The following COG2 variants were observed in gnomAD, a reference collection of about 807,000 sequenced individuals.
COG2 encodes the protein component of oligomeric golgi complex 2, also known as conserved oligomeric Golgi complex subunit 2.
In COG2, 52 loss-of-function variants were observed where a neutral mutation model predicts 90.6. The observed-to-expected ratio is 0.57, with a 90% CI of 0.46 to 0.72. COG2 has a LOEUF of 0.72. COG2 is among the 30% of genes least tolerant of loss of function. The pLI, the probability that COG2 is intolerant of heterozygous loss-of-function variation, is 0.00. For synonymous variants in COG2, 337 were observed against 320.4 expected, an observed-to-expected ratio of 1.05 and a Z score of -0.55; for missense variants, 829 against 891.2, an observed-to-expected ratio of 0.93 and a Z score of 0.89.
chr1:230,662,994 G>A (rs1461911689), intron 3 of COG2, 147 bp from the exon 4 acceptor site: 4 of 511,458 alleles, frequency 7.8e-6, no homozygotes, highest in Non-Finnish European at 6.7e-6. Flanking sequence ...GACACAAACA[G>A]CAATTGTGTC....
intron 4 of COG2, among the ~76,000 whole-genome samples, chr1:230,663,586 G>A (rs1160097530): frequency 6.6e-6 from 1 of 152,082 alleles, no homozygotes; most frequent in Non-Finnish European, 1.5e-5. Context: ...TCATGAGAAG[G>A]GGATTTTTGC....
intron 1 of COG2, among the ~76,000 whole-genome samples, chr1:230,652,227 C>T (rs1189945764): frequency 6.6e-6 from 1 of 152,190 alleles, no homozygotes; most frequent in African/African-American, 2.4e-5. Context: ...TCCCTAACCC[C>T]AGGCAACTAC....
In COG2 at chr1:230,683,568, T is replaced by C; in HGVS notation, c.1167-6T>C. 6.2e-7 allele frequency: 1 copy of C among 1,604,088 alleles called. No individual in the cohort carries two copies. Among genetic ancestry groups the C allele is most frequent in the Non-Finnish European group, 8.5e-7 (1 of 1,171,254 alleles). On this transcript the variant is annotated splice_polypyrimidine_tract_variant and splice_region_variant and intron_variant, in intron 10 of 17. Coordinates refer to ENST00000366669, the MANE Select transcript of COG2 (RefSeq NM_007357.3). ...ACATTAATTCTTCTTCTTGTTTTTA[T>C]CTCAGATTTAGAGAAATAGCGGGAT...
intron 6 of COG2, 47 bp from the exon 7 acceptor site, chr1:230,669,309 C>G: frequency 6.5e-7 from 1 of 1,544,440 alleles, no homozygotes; most frequent in Non-Finnish European, 8.8e-7. Context: ...GTTTCAGAAA[C>G]TGTTACAACT....
In COG2 at chr1:230,687,089, A is replaced by G. The variant is rs1662902614; in HGVS notation, c.1535A>G (p.Gln512Arg). 1 of 1,613,372 alleles carries G rather than the reference A, an allele frequency of 6.2e-7. No homozygotes were observed. Among genetic ancestry groups the G allele is most frequent in the Non-Finnish European group, 8.5e-7 (1 of 1,179,584 alleles). ...TKPVVSISRT[Q>R]LVYVVADLDK... ...CCTGTGGTTTCCATTTCCCGCACTC[A>G]GCTCGTGTATGTGGTTGCAGACCTG... The change falls in exon 13 of 18, where the codon CAG becomes CGG. Residue 512 changes from glutamine to arginine, a missense_variant. By Grantham distance (43) the Gln-to-Arg change is conservative. Transcript: ENST00000366669.
chr1:230,655,760 C>T (rs1041581000), intron 1 of COG2, among the ~76,000 whole-genome samples: 4 of 152,132 alleles, frequency 2.6e-5, no homozygotes, highest in Non-Finnish European at 1.5e-5. Context: ...CTATTAATTG[C>T]TGCCTCAATT....
chr1:230,646,175 A>G (rs924056509), intron 1 of COG2, among the ~76,000 whole-genome samples: 4 of 151,998 alleles, frequency 2.6e-5, no homozygotes, highest in African/African-American at 7.3e-5. Flanking sequence ...GCTCTCTTCC[A>G]TCTCACAGCC....
At chr1:230,678,276 CAGA>C (rs1662646608) in intron 9 of COG2, 2 of 985,214 alleles carry the variant, frequency 2.0e-6, no homozygotes, top group Non-Finnish European at 1.2e-6. Context: ...TGAGCCTCAA[CAGA>C]AGAAGAAGCA....
chr1:230,643,372 TG>T (rs1467686723), intron 1 of COG2, among the ~76,000 whole-genome samples: 1 of 152,246 alleles, frequency 6.6e-6, no homozygotes, highest in East Asian at 1.9e-4. Context: ...GAGTGAGAGC[TG>T]GGAGGAGCTT....
At position 230,693,530 on chromosome 1, in the gene COG2, C is replaced by G. The variant is rs76861835; in HGVS notation, c.*137C>G. On this transcript the variant is annotated 3_prime_UTR_variant, in exon 18 of 18. Coordinates refer to ENST00000366669, the MANE Select transcript of COG2 (RefSeq NM_007357.3). ...TGCTTCCAGCATCACTCCAGCAACA[C>G]GCCCATGCGTCTTCTCTCAGCGTAT... 3 of 555,400 alleles carry G rather than the reference C, an allele frequency of 5.4e-6. No individual in the cohort carries two copies. The highest frequency in any genetic ancestry group is 1.9e-5 in the African/African-American group (1 of 52,416). The allele number at this position is 555,400 out of a possible 1,614,324, so 34.4% of individuals were successfully genotyped here.
At chr1:230,693,239 C>A in intron 17 of COG2, 53 bp from the exon 18 acceptor site, 1 of 1,040,252 alleles carries the variant, frequency 9.6e-7, no homozygotes, top group South Asian at 1.3e-5. Flanking sequence ...TTTTTCCCCC[C>A]CCATATTCAG....
In COG2 at chr1:230,653,214, A is replaced by G. The variant is rs570614680; in HGVS notation, c.73-6250A>G. Among the ~76,000 whole-genome samples the G allele has an allele frequency of 2.2e-3, 316 of 142,012 alleles. 2 individuals are homozygous for G. Among genetic ancestry groups the G allele is most frequent in the Non-Finnish European group, 2.5e-3 (165 of 65,536 alleles). The allele number at this position is 142,012 out of a possible 152,430, so 93.2% of individuals were successfully genotyped here. ...TTCAATGAATTTGACTTTATTTTTC[A>G]TTTTTTGTTTTTTTTTTTTTTGGGG... is the stretch of plus-strand genomic sequence containing the variant. On this transcript the variant is annotated intron_variant, in intron 1 of 17. Transcript: ENST00000366669.
At chr1:230,684,657 T>C (rs1203374794) in intron 11 of COG2, among the ~76,000 whole-genome samples, 1 of 152,192 alleles carries the variant, frequency 6.6e-6, no homozygotes, top group Non-Finnish European at 1.5e-5. Context: ...AAAATGGTCA[T>C]ATGTAGTTAA....
chr1:230,658,398 A>C (rs1008562715), intron 1 of COG2, among the ~76,000 whole-genome samples: 6 of 152,098 alleles, frequency 3.9e-5, no homozygotes, highest in Admixed American at 2.0e-4. Context: ...AACAGCAAAG[A>C]TTGCTGCCTG....
In COG2 at chr1:230,664,589, T is replaced by G. The variant is rs199924677; in HGVS notation, c.485+2T>G. ...AACCTCTGCACTAGAAGCAAGCAGG[T>G]AAGTATTTTTTATTAAATAACTCGT... On this transcript the variant is annotated splice_donor_variant, in intron 5 of 17. Transcript: ENST00000366669. LOFTEE classifies it high-confidence loss of function. The G allele has an allele frequency of 2.8e-5, 41 of 1,464,416 alleles. No homozygotes were observed. The highest frequency in any genetic ancestry group is 9.3e-7 in the Non-Finnish European group (1 of 1,075,686). 90.7% of individuals were successfully genotyped at this position (1,464,416 alleles called of 1,614,324 possible).
At chr1:230,685,290 T>C in intron 12 of COG2, 54 bp downstream of exon 12, 1 of 1,585,298 alleles carries the variant, frequency 6.3e-7, no homozygotes, top group Non-Finnish European at 8.6e-7. Context: ...AAATTAAAGA[T>C]ATGTTAGGCT....
intron 9 of COG2, among the ~76,000 whole-genome samples, 161 bp downstream of exon 9, chr1:230,675,285 C>A (rs897199470): frequency 6.6e-6 from 1 of 152,028 alleles, no homozygotes; most frequent in African/African-American, 2.4e-5. Context: ...TCGTTTTATC[C>A]AAGATATGAT....
intron 12 of COG2, among the ~76,000 whole-genome samples, chr1:230,686,718 A>T (rs2102772633): frequency 6.6e-6 from 1 of 152,164 alleles, no homozygotes; most frequent in African/African-American, 2.4e-5. Context: ...CCAGAAGGTA[A>T]ATGTACCTGG....
intron 2 of COG2, among the ~76,000 whole-genome samples, chr1:230,660,224 A>C (rs970385679): frequency 1.3e-5 from 2 of 152,250 alleles, no homozygotes; most frequent in Non-Finnish European, 2.9e-5. Context: ...AGCCATCTCC[A>C]TGGAAATTTT....
Sources: allele counts gnomAD v4.1 joint callset (sites outside exome capture counted in the v4.1 genomes callset), GRCh38; gene constraint gnomAD v4.1.1; transcripts MANE v1.5; gene names NCBI Gene and HGNC (gene_info 2026-07-23, HGNC 2026-07-21).